Variants in SIN3B observed in about 807,000 individuals in gnomAD.
SIN3B encodes the protein paired amphipathic helix protein Sin3b.
Under a neutral mutation model 120.2 loss-of-function variants are expected in SIN3B, and 19 were observed. The observed-to-expected ratio is 0.16, with a 90% CI of 0.11 to 0.23. The LOEUF is 0.23. SIN3B is among the 10% of genes least tolerant of loss of function. SIN3B has a pLI of 1.00. For synonymous variants in SIN3B, 654 were observed against 653.2 expected, an observed-to-expected ratio of 1.00 and a Z score of -0.02; for missense variants, 1,073 against 1,573.0, an observed-to-expected ratio of 0.68 and a Z score of 5.38.
Position 16,871,327 on chromosome 19 carries a change from C to T in SIN3B, c.2521C>T (p.Arg841Cys). Residue 841 changes from arginine to cysteine, a missense_variant, in exon 14 of 19, where the codon CGC (arginine) becomes TGC (cysteine). By Grantham distance (180) the Arg-to-Cys change is radical. Transcript: ENST00000248054. ...IDPTQYEDTL[R>C]EMFTIHAYVG... ...CCCCACGCAGTACGAGGACACCCTACGCGAGATGTTCACCATCCATGCCTA... is the reference window on the plus strand; with the variant it reads ...CCCCACGCAGTACGAGGACACCCTATGCGAGATGTTCACCATCCATGCCTA... 1.9e-6 allele frequency: 3 copies of T among 1,614,018 alleles called. No individual in the cohort carries two copies. The highest frequency in any genetic ancestry group is 2.5e-6 in the Non-Finnish European group (3 of 1,179,938).
intron 7 of SIN3B, among the ~76,000 whole-genome samples, chr19:16,853,387 A>T (rs1240565177): frequency 1.3e-5 from 2 of 152,264 alleles, no homozygotes; most frequent in African/African-American, 2.4e-5. Flanking sequence ...TGAGACTCCA[A>T]GCAGAGTATG....
intron 8 of SIN3B, chr19:16,854,885 A>G (rs993862381): frequency 6.6e-6 from 1 of 152,134 alleles, no homozygotes; most frequent in African/African-American, 2.4e-5. Context: ...CATTTATTTC[A>G]GTGTTTAATA....
At chr19:16,852,187 C>T (rs1356937975) in intron 6 of SIN3B, among the ~76,000 whole-genome samples, 2 of 152,130 alleles carry the variant, frequency 1.3e-5, no homozygotes, top group African/African-American at 4.8e-5. Context: ...AGTGCAGTGG[C>T]GCGATCTCGG....
intron 3 of SIN3B, among the ~76,000 whole-genome samples, chr19:16,837,898 G>A (rs984823768): frequency 2.0e-5 from 3 of 152,116 alleles, no homozygotes; most frequent in Non-Finnish European, 2.9e-5. Flanking sequence ...GTGTCTGTGC[G>A]GTGCCTGCCA....
At chr19:16,853,702 G>C (rs1293948543) in intron 7 of SIN3B, among the ~76,000 whole-genome samples, 1 of 149,478 alleles carries the variant, frequency 6.7e-6, no homozygotes, top group Non-Finnish European at 1.5e-5. Context: ...CACGGATCGC[G>C]TGCACGGGCT....
chr19:16,853,461 G>A (rs1293196282), intron 7 of SIN3B, among the ~76,000 whole-genome samples: 1 of 152,250 alleles, frequency 6.6e-6, no homozygotes, highest in African/African-American at 2.4e-5. Context: ...ATGATTGTAG[G>A]GTTCCCGCCC....
At chr19:16,847,721 C>T (rs1971496991) in intron 5 of SIN3B, among the ~76,000 whole-genome samples, 1 of 152,218 alleles carries the variant, frequency 6.6e-6, no homozygotes, top group Admixed American at 6.5e-5. Flanking sequence ...TTTTTTCCCC[C>T]ACTATGATCA....
intron 3 of SIN3B, among the ~76,000 whole-genome samples, chr19:16,839,160 G>T (rs987824517): frequency 6.6e-6 from 1 of 151,894 alleles, no homozygotes; most frequent in Non-Finnish European, 1.5e-5. Flanking sequence ...TGGAGACGGG[G>T]TTTTGCAATG....
In SIN3B at chr19:16,878,289, G is replaced by A. The variant is rs372894104; in HGVS notation, c.3061G>A (p.Asp1021Asn). The change falls in exon 18 of 19, where the codon GAC becomes AAC. Residue 1021 changes from aspartate to asparagine, a missense_variant. By Grantham distance (23) the Asp-to-Asn change is conservative. Coordinates refer to ENST00000248054, the MANE Select transcript of SIN3B (RefSeq NM_001297595.2). ...GCTGGTGGGCGTGGAGAGCGCCTGC[G>A]ACGTGGACTGCCGCTTCAAGCTCAG... Reference protein sequence around the residue: ...KRLVGVESACDVDCRFKLSTH... With the variant: ...KRLVGVESACNVDCRFKLSTH... 1.2e-5 allele frequency: 19 copies of A among 1,607,376 alleles called. No homozygotes were observed. Among genetic ancestry groups the A allele is most frequent in the African/African-American group, 1.1e-4 (8 of 74,852 alleles).
Position 16,862,848 on chromosome 19 carries a change from T to C in SIN3B, c.1266+289T>C. ...TTATTGCTGCCATGATTCTGCTCTG[T>C]CCCGGGCTCACTGACCTCAGTGTGT... is the stretch of plus-strand genomic sequence containing the variant. On this transcript the variant is annotated intron_variant, in intron 9 of 18. Coordinates refer to ENST00000248054, the MANE Select transcript of SIN3B (RefSeq NM_001297595.2). This position sits in a 1 kb window ranked among gnomAD's most constrained non-coding sequence, Gnocchi z 4.7. The C allele has an allele frequency of 6.6e-7, 1 of 1,504,822 alleles. No individual in the cohort carries two copies. Among genetic ancestry groups the C allele is most frequent in the South Asian group, 1.1e-5 (1 of 88,776 alleles). The allele number at this position is 1,504,822 out of a possible 1,614,324, so 93.2% of individuals were successfully genotyped here. A position where few individuals can be genotyped will look rare whatever the true frequency, so the allele number is the denominator to read the frequency against.
At chr19:16,859,601 G>A (rs1005394743) in intron 8 of SIN3B, among the ~76,000 whole-genome samples, 5 of 152,242 alleles carry the variant, frequency 3.3e-5, no homozygotes, top group African/African-American at 1.2e-4. Flanking sequence ...TTCTTTCTTG[G>A]GCTGCTGAAG....
At chr19:16,830,180 A>C (rs1971261854) in intron 2 of SIN3B, among the ~76,000 whole-genome samples, 2 of 152,190 alleles carry the variant, frequency 1.3e-5, no homozygotes, top group South Asian at 4.1e-4. Context: ...CCTTGATTTA[A>C]TATGTTGATT....
rs189883320 is a variant in SIN3B at position 16,851,819 on chromosome 19, T to A, written c.849+285T>A. On this transcript the variant is annotated intron_variant, in intron 6 of 18. Coordinates refer to ENST00000248054, the MANE Select transcript of SIN3B (RefSeq NM_001297595.2). The stretch of plus-strand genomic sequence containing the variant: ...CAGGGTGTACCACCCAGTCTCCTTT[T>A]CACCCTCAGGACTCTCTCACAGGCA... Among the ~76,000 whole-genome samples, 193 of 152,354 alleles carry A rather than the reference T, an allele frequency of 1.3e-3. 1 individual carries two copies. The highest frequency in any genetic ancestry group is 4.5e-3 in the African/African-American group (187 of 41,588).
intron 6 of SIN3B, among the ~76,000 whole-genome samples, chr19:16,852,494 G>A (rs781630083): frequency 4.6e-5 from 7 of 152,126 alleles, no homozygotes; most frequent in Non-Finnish European, 8.8e-5. Context: ...CAATCCTCCC[G>A]CCTCAGCCTC....
chr19:16,863,929 C>T, intron 10 of SIN3B, 133 bp downstream of exon 10: 1 of 636,570 alleles, frequency 1.6e-6, no homozygotes, highest in East Asian at 2.8e-5. Flanking sequence ...TCCAACAGCT[C>T]CTGGAAGCTT....
At chr19:16,830,570 C>A (rs967753040) in intron 2 of SIN3B, among the ~76,000 whole-genome samples, 14 of 152,124 alleles carry the variant, frequency 9.2e-5, no homozygotes, top group African/African-American at 3.1e-4. Context: ...GAACTCAGAC[C>A]CTCTGACTCA....
chr19:16,845,534 A>G (rs1187817745), intron 4 of SIN3B, among the ~76,000 whole-genome samples: 2 of 152,116 alleles, frequency 1.3e-5, no homozygotes, highest in Non-Finnish European at 2.9e-5. Flanking sequence ...TGGCCTCCCA[A>G]AGTGCTGGGA....
At chr19:16,844,411 A>C (rs2144586651) in intron 4 of SIN3B, among the ~76,000 whole-genome samples, 1 of 152,288 alleles carries the variant, frequency 6.6e-6, no homozygotes, top group Admixed American at 6.5e-5. Context: ...AAATGGCCAC[A>C]AAACTGGTGG....
rs1971567144 is a variant in SIN3B, at chr19:16,853,163, G to A, written c.939+5G>A. On this transcript the variant is annotated splice_donor_5th_base_variant and intron_variant, in intron 7 of 18. Coordinates refer to ENST00000248054, the MANE Select transcript of SIN3B (RefSeq NM_001297595.2). ...GAATTTTCTTTCTTTGACAAGGTGA[G>A]GGTGGGCCCTGGCTTCCATCTTGGG... 1 of 1,613,566 alleles carries A rather than the reference G, an allele frequency of 6.2e-7. No individual in the cohort carries two copies. The highest frequency in any genetic ancestry group is 1.7e-5 in the Admixed American group (1 of 59,998).
Sources: allele counts gnomAD v4.1 joint callset (sites outside exome capture counted in the v4.1 genomes callset), GRCh38; gene constraint gnomAD v4.1.1; non-coding constraint Gnocchi (gnomAD v3.1); transcripts MANE v1.5; gene names NCBI Gene and HGNC (gene_info 2026-07-23, HGNC 2026-07-21).